Variants in ICE1 observed in about 807,000 individuals in gnomAD.
ICE1 encodes the protein interactor of little elongation complex ELL subunit 1.
ICE1 carries 64 observed loss-of-function variants against 192.7 expected under a neutral mutation model. The ratio of observed to expected loss-of-function variants is 0.33; its 90% CI spans 0.27 to 0.41. ICE1 has a LOEUF of 0.41. ICE1 is among the 10% of genes least tolerant of loss of function. The pLI is 1.00. For synonymous variants in ICE1, 1,010 were observed against 984.5 expected, an observed-to-expected ratio of 1.03 and a Z score of -0.49; for missense variants, 2,708 against 2,696.0, an observed-to-expected ratio of 1.00 and a Z score of -0.10.
At chr5:5,465,789 T>A (rs1738966566) in intron 13 of ICE1, among the ~76,000 whole-genome samples, 1 of 152,216 alleles carries the variant, frequency 6.6e-6, no homozygotes, top group East Asian at 1.9e-4. Flanking sequence ...AAATATTTAT[T>A]TTTTTAGATT....
chr5:5,439,506 T>C (rs1299279953), intron 3 of ICE1, among the ~76,000 whole-genome samples: 1 of 152,194 alleles, frequency 6.6e-6, no homozygotes, highest in Non-Finnish European at 1.5e-5. Context: ...TACATAACTT[T>C]TGTTTGCTGG....
rs75834432 is a variant in ICE1, at chr5:5,485,028, G to A, written c.6521-1693G>A. On this transcript the variant is annotated intron_variant, in intron 17 of 18. Transcript: ENST00000296564. ...CCTGGAGTAAGGGAAGGCTGCGAGTGTAGGGGAATGGGGGGAATGATGCCA... is the reference window on the plus strand; with the variant it reads ...CCTGGAGTAAGGGAAGGCTGCGAGTATAGGGGAATGGGGGGAATGATGCCA... 2.1e-3 allele frequency among the ~76,000 whole-genome samples: 313 copies of A among 152,168 alleles called. 8 individuals are homozygous for A. In the East Asian group the frequency reaches 0.05, roughly 24 times the overall value.
intron 5 of ICE1, among the ~76,000 whole-genome samples, 152 bp downstream of exon 5, chr5:5,441,375 C>A (rs1738049417): frequency 6.6e-6 from 1 of 152,188 alleles, no homozygotes; most frequent in African/African-American, 2.4e-5. Flanking sequence ...GAACATTGAA[C>A]TAACTGCTTA....
At chr5:5,465,577 T>C (rs1209447815) in intron 13 of ICE1, among the ~76,000 whole-genome samples, 1 of 152,204 alleles carries the variant, frequency 6.6e-6, no homozygotes, top group Non-Finnish European at 1.5e-5. Context: ...TCCTTGAGTT[T>C]TTGTTACAAA....
intron 1 of ICE1, among the ~76,000 whole-genome samples, chr5:5,425,052 C>T (rs1335963173): frequency 6.6e-6 from 1 of 152,202 alleles, no homozygotes. Flanking sequence ...CTGTATTCTT[C>T]TGGTTGCTTA....
rs1430222529 is a variant in ICE1 at position 5,461,341 on chromosome 5, T to C, written c.2007T>C (p.His669=). 1.2e-6 allele frequency: 2 copies of C among 1,613,840 alleles called. No individual in the cohort carries two copies. Among genetic ancestry groups the C allele is most frequent in the African/African-American group, 2.7e-5 (2 of 74,940 alleles). ...CTAAAGTATTCTCTACTGAACCGCATCATTCAGAACATAAATTGCAAACTA... is the reference window on the plus strand; with the variant it reads ...CTAAAGTATTCTCTACTGAACCGCACCATTCAGAACATAAATTGCAAACTA... ...ITTKVFSTEP[H]HSEHKLQTKT... The change falls in exon 13 of 19, where the codon CAT becomes CAC. Residue 669 remains histidine, a synonymous_variant. Coordinates refer to ENST00000296564, the MANE Select transcript of ICE1 (RefSeq NM_015325.3).
chr5:5,443,184 A>G lies in ICE1; in HGVS notation c.326A>G (p.Tyr109Cys). ...TTTTTAAAGAGTTCTTTAAAGTTGTATCAGGATACTCATCAGGAATATGCT... is the reference window on the plus strand; with the variant it reads ...TTTTTAAAGAGTTCTTTAAAGTTGTGTCAGGATACTCATCAGGAATATGCT... Reference protein sequence around the residue: ...LEEKKSSLKLYQDTHQEYARV... With the variant: ...LEEKKSSLKLCQDTHQEYARV... The change falls in exon 6 of 19, where the codon TAT becomes TGT. Residue 109 changes from tyrosine (Y) to cysteine (C), a missense_variant. Around this residue, in one of 2 missense-constraint regions of ICE1, gnomAD observed 2,366 missense variants for 2,276.6 expected, o/e 1.04. Coordinates refer to ENST00000296564, the MANE Select transcript of ICE1 (RefSeq NM_015325.3). The G allele has an allele frequency of 2.0e-6, 3 of 1,503,214 alleles. No individual in the cohort carries two copies. The highest frequency in any genetic ancestry group is 2.7e-6 in the Non-Finnish European group (3 of 1,119,546). 93.1% of individuals were successfully genotyped at this position (1,503,214 alleles called of 1,614,324 possible).
intron 13 of ICE1, among the ~76,000 whole-genome samples, chr5:5,466,101 TA>T (rs1227181647): frequency 6.6e-6 from 1 of 152,176 alleles, no homozygotes; most frequent in Non-Finnish European, 1.5e-5. Flanking sequence ...CTGCAGCATT[TA>T]CCAGCCATAG....
chr5:5,444,944 T>G (rs1738167971), intron 7 of ICE1, among the ~76,000 whole-genome samples: 1 of 152,162 alleles, frequency 6.6e-6, no homozygotes, highest in Non-Finnish European at 1.5e-5. Context: ...TTTTATTTGC[T>G]TTTTCCTCCC....
At position 5,468,955 on chromosome 5, in the gene ICE1, G is replaced by T; in HGVS notation, c.6189G>T (p.Leu2063=). 3 of 1,567,302 alleles carry T rather than the reference G, an allele frequency of 1.9e-6. No individual in the cohort carries two copies. The highest frequency in any genetic ancestry group is 2.6e-6 in the Non-Finnish European group (3 of 1,159,898). The change falls in exon 15 of 19, where the codon CTG becomes CTT. Residue 2063 remains leucine, a synonymous_variant. Transcript: ENST00000296564. ...VARQRAKGEV[L]NCLRAFLNWE... ...GGCAACGTGCTAAAGGAGAGGTTCT[G>T]AACTGCTTGAGAGCTTTTCTTAATT...
intron 1 of ICE1, among the ~76,000 whole-genome samples, chr5:5,436,147 A>G (rs1737867537): frequency 6.6e-6 from 1 of 152,152 alleles, no homozygotes; most frequent in African/African-American, 2.4e-5. Context: ...AAAATAGTTA[A>G]TATTTATTGA....
At chr5:5,451,381 C>T (rs1738411509) in intron 10 of ICE1, among the ~76,000 whole-genome samples, 1 of 152,016 alleles carries the variant, frequency 6.6e-6, no homozygotes, top group Non-Finnish European at 1.5e-5. Flanking sequence ...AAAATGCAAA[C>T]TTAATGAAAT....
chr5:5,437,255 A>G (rs1737895802), intron 3 of ICE1, 141 bp downstream of exon 3: 3 of 609,078 alleles, frequency 4.9e-6, no homozygotes, highest in East Asian at 2.8e-5. Flanking sequence ...TCTCACAAGC[A>G]CAGTAAACAG....
rs991708626 is a variant in ICE1, at chr5:5,464,755, C to T, written c.5421C>T (p.Val1807=). The T allele has an allele frequency of 6.2e-7, 1 of 1,613,634 alleles. No individual in the cohort carries two copies. Among genetic ancestry groups the T allele is most frequent in the Non-Finnish European group, 8.5e-7 (1 of 1,179,816 alleles). The change falls in exon 13 of 19, where the codon GTC becomes GTT. Residue 1807 remains valine, a synonymous_variant. Coordinates refer to ENST00000296564, the MANE Select transcript of ICE1 (RefSeq NM_015325.3). This position sits in a 1 kb window ranked among gnomAD's most constrained non-coding sequence, Gnocchi z 4.0. ...KTITSAATAF[V]KTGSSSGGDC... ...TCACTTCAGCAGCAACTGCTTTTGT[C>T]AAAACTGGGAGCAGCTCTGGTGGTG...
At chr5:5,423,725 G>A (rs1444047814) in intron 1 of ICE1, among the ~76,000 whole-genome samples, 1 of 152,186 alleles carries the variant, frequency 6.6e-6, no homozygotes, top group East Asian at 1.9e-4. Flanking sequence ...GACTCTCCTA[G>A]CTGCCTGATG....
At chr5:5,457,834 G>A in intron 12 of ICE1, 93 bp downstream of exon 12, 1 of 1,278,114 alleles carries the variant, frequency 7.8e-7, no homozygotes, top group Non-Finnish European at 1.1e-6. Context: ...TGATATTCTT[G>A]CACAGATTAT....
rs544022027 is a variant in ICE1, at chr5:5,452,076, A to G, written c.605-2476A>G. ...TTCAAAAAATTGATGAGGTAATGGA[A>G]AAAAAATTTTAACTTGAGAAAGGTG... On this transcript the variant is annotated intron_variant, in intron 10 of 18. Transcript: ENST00000296564. Among the ~76,000 whole-genome samples the G allele has an allele frequency of 7.6e-4, 115 of 152,160 alleles. 1 individual carries two copies. The highest frequency in any genetic ancestry group is 1.4e-3 in the Non-Finnish European group (96 of 67,958).
At chr5:5,446,805 T>G (rs1014920160) in intron 7 of ICE1, among the ~76,000 whole-genome samples, 4 of 151,896 alleles carry the variant, frequency 2.6e-5, no homozygotes, top group Non-Finnish European at 2.9e-5. Flanking sequence ...TTTCATGGAG[T>G]TTTAGTTAGT....
Position 5,464,165 on chromosome 5 carries a change from TC to T in ICE1, c.4833del (p.Thr1612LeufsTer10). 6.2e-7 allele frequency: 1 copy of T among 1,613,630 alleles called. No homozygotes were observed. The highest frequency in any genetic ancestry group is 8.5e-7 in the Non-Finnish European group (1 of 1,179,866). ...GACCATTTTAGCAAATGCTGATACA[TC>T]CACTCCTACAGATTGTTCTCCTGAC... Reference protein sequence around the residue: ...TQTILANADTSTPTDCSPDTL... With the variant: ...TQTILANADTXTPTDCSPDTL... On this transcript the variant is annotated frameshift_variant, in exon 13 of 19. Coordinates refer to ENST00000296564, the MANE Select transcript of ICE1 (RefSeq NM_015325.3). LOFTEE classifies it high-confidence loss of function. The surrounding 1 kb of genome is among the most constrained non-coding windows in gnomAD (Gnocchi z 4.0).
Sources: gnomAD v4.1 joint callset for allele counts (sites outside exome capture counted in the v4.1 genomes callset) on GRCh38, gnomAD v4.1.1 for gene constraint, gnomAD v4.1.1 regional missense constraint, Gnocchi (gnomAD v3.1) non-coding constraint, MANE v1.5 for transcripts, NCBI Gene and HGNC (gene_info 2026-07-23, HGNC 2026-07-21) for gene names.